The following PRKAR1B variants were observed in gnomAD, a reference collection of about 807,000 sequenced individuals.
The protein encoded by PRKAR1B is protein kinase cAMP-dependent type I regulatory subunit beta.
A neutral mutation model predicts 46.5 loss-of-function variants in PRKAR1B; 22 were observed. The observed-to-expected ratio is 0.47, with a 90% confidence interval of 0.34 to 0.68. The LOEUF is 0.68. Among genes scored for constraint, PRKAR1B ranks in the 30% least tolerant of loss-of-function variants. The pLI, the probability that PRKAR1B is intolerant of heterozygous loss-of-function variation, is 0.01. For synonymous variants in PRKAR1B, 259 were observed against 217.7 expected, an observed-to-expected ratio of 1.19 and a Z score of -1.67; for missense variants, 445 against 535.6, an observed-to-expected ratio of 0.83 and a Z score of 1.67.
At chr7:698,936 C>T (rs929316006) in intron 2 of PRKAR1B, among the ~76,000 whole-genome samples, 3 of 152,246 alleles carry the variant, frequency 2.0e-5, no homozygotes, top group African/African-American at 7.2e-5. Context: ...GTGATTCAGC[C>T]TCTCCCTCCT....
At chr7:596,044 CT>C in intron 7 of PRKAR1B, 101 bp downstream of exon 7, 4 of 1,450,784 alleles carry the variant, frequency 2.8e-6, no homozygotes, top group Non-Finnish European at 3.7e-6. Context: ...TTGGAAGTGT[CT>C]TTTCTCCAGG....
At chr7:552,390 C>CG (rs1396429370) in intron 9 of PRKAR1B, among the ~76,000 whole-genome samples, 62 of 73,174 alleles carry the variant, frequency 8.5e-4, no homozygotes, top group Non-Finnish European at 1.0e-3. Context: ...GGGTCCTTCT[C>CG]CAGAGCCACT....
intron 10 of PRKAR1B, 129 bp downstream of exon 10, chr7:551,260 G>C: frequency 1.2e-6 from 1 of 850,504 alleles, no homozygotes; most frequent in Non-Finnish European, 1.9e-6. Flanking sequence ...AGCCACACTG[G>C]GGCTCAGCCA....
chr7:660,465 C>T (rs1310454184), intron 4 of PRKAR1B, among the ~76,000 whole-genome samples: 3 of 141,384 alleles, frequency 2.1e-5, no homozygotes, highest in African/African-American at 5.3e-5. Flanking sequence ...CAAATACCTA[C>T]TCTGCCCCCA....
intron 10 of PRKAR1B, 32 bp from the exon 11 acceptor site, chr7:550,634 C>T (rs766425051): frequency 6.7e-7 from 1 of 1,500,958 alleles, no homozygotes; most frequent in Non-Finnish European, 8.9e-7. Flanking sequence ...CAGGGCTGGG[C>T]CTGGGGGTCC....
At chr7:552,921 G>T (rs1391368052) in intron 9 of PRKAR1B, among the ~76,000 whole-genome samples, 2 of 152,270 alleles carry the variant, frequency 1.3e-5, no homozygotes, top group African/African-American at 2.4e-5. Flanking sequence ...AGTGGGGAGG[G>T]GTCTGCGGGT....
chr7:658,595 A>C (rs1472662870), intron 4 of PRKAR1B, among the ~76,000 whole-genome samples: 1 of 152,222 alleles, frequency 6.6e-6, no homozygotes, highest in Admixed American at 6.5e-5. Flanking sequence ...CCGGCGGCTC[A>C]CGAAAGCCAC....
At chr7:669,771 A>G (rs112052276) in intron 4 of PRKAR1B, among the ~76,000 whole-genome samples, 7,336 of 151,752 alleles carry the variant, frequency 0.048, 585 homozygotes, top group African/African-American at 0.17. Context: ...CTCAAAAAAA[A>G]AGAAAAGGTT....
chr7:664,884 A>T (rs1443385709), intron 4 of PRKAR1B, among the ~76,000 whole-genome samples: 3 of 152,192 alleles, frequency 2.0e-5, no homozygotes, highest in Non-Finnish European at 4.4e-5. Context: ...ACTACACTCC[A>T]GCCTGAGCAA....
Position 614,236 on chromosome 7 carries a change from C to A in PRKAR1B, c.441-6784G>T, listed in dbSNP as rs1429162890. On this transcript the variant is annotated intron_variant, in intron 4 of 10. Transcript: ENST00000537384. ...GCCACTCAGGACTGTCTACACAAAA[C>A]ACTCAGCAGCATATACGACAGGATG... Among the ~76,000 whole-genome samples the A allele has an allele frequency of 2.6e-5, 4 of 152,364 alleles. No homozygotes were observed. The East Asian group carries it at 7.7e-4, about 29-fold the overall frequency.
intron 9 of PRKAR1B, among the ~76,000 whole-genome samples, chr7:570,234 C>T (rs903185048): frequency 1.3e-5 from 2 of 152,198 alleles, no homozygotes; most frequent in Non-Finnish European, 2.9e-5. Flanking sequence ...GAAGGTTGAC[C>T]GCAGGCTCGT....
At position 711,534 on chromosome 7, in the gene PRKAR1B, A is replaced by G; in HGVS notation, c.-22-7T>C. On this transcript the variant is annotated splice_polypyrimidine_tract_variant and splice_region_variant and intron_variant, in intron 1 of 10. Transcript: ENST00000537384. The stretch of plus-strand genomic sequence containing the variant: ...GAGGGTGGCTGCTTCCTTCCTGTCC[A>G]GAAAACACACAGATCCCCAGGCCTG... 1.2e-6 allele frequency: 2 copies of G among 1,609,180 alleles called. No homozygotes were observed. Among genetic ancestry groups the G allele is most frequent in the Non-Finnish European group, 1.7e-6 (2 of 1,177,382 alleles).
chr7:701,300 A>G (rs1213718027), intron 2 of PRKAR1B, among the ~76,000 whole-genome samples: 4 of 139,746 alleles, frequency 2.9e-5, no homozygotes, highest in African/African-American at 1.3e-4. Flanking sequence ...GAAAGAAAGA[A>G]AAAGAAAGAA....
At chr7:594,647 C>T (rs1472310773) in intron 7 of PRKAR1B, among the ~76,000 whole-genome samples, 1 of 152,114 alleles carries the variant, frequency 6.6e-6, no homozygotes, top group African/African-American at 2.4e-5. Flanking sequence ...TATGAAGGAA[C>T]CCCAAGACCA....
Position 551,403 on chromosome 7 carries a change from G to A in PRKAR1B, c.959C>T (p.Pro320Leu), listed in dbSNP as rs757120955. 2 of 1,559,074 alleles carry A rather than the reference G, an allele frequency of 1.3e-6. No homozygotes were observed. Among genetic ancestry groups the A allele is most frequent in the Non-Finnish European group, 1.7e-6 (2 of 1,151,288 alleles). ...EEYVEVGRLG[P>L]SDYFGEIALL... The stretch of plus-strand genomic sequence containing the variant: ...ACTGGACTCACCGAAGTAGTCAGAG[G>A]GTCCCAGGCGCCCCACCTCCACGTA... The change falls in exon 10 of 11, where the codon CCC (proline) becomes CTC (leucine). Residue 320 changes from proline (P) to leucine (L), a missense_variant. Physicochemically the swap from Pro to Leu is moderately conservative, Grantham distance 98. This residue lies in a region of PRKAR1B where 127 missense variants were observed against 138.0 expected (regional missense o/e 0.92). Coordinates refer to ENST00000537384, the MANE Select transcript of PRKAR1B (RefSeq NM_001164760.2).
At chr7:583,092 G>C (rs1458551434) in intron 8 of PRKAR1B, among the ~76,000 whole-genome samples, 1 of 152,010 alleles carries the variant, frequency 6.6e-6, no homozygotes, top group African/African-American at 2.4e-5. Context: ...TCACAGGGAC[G>C]GGGCTCTGTC....
intron 2 of PRKAR1B, among the ~76,000 whole-genome samples, chr7:702,281 AGAAG>A (rs1250405524): frequency 6.6e-6 from 1 of 152,176 alleles, no homozygotes; most frequent in African/African-American, 2.4e-5. Context: ...ATAATCTAAA[AGAAG>A]GAAGGAAAAA....
chr7:606,919 TAC>T (rs1419974167), intron 5 of PRKAR1B, among the ~76,000 whole-genome samples: 4 of 152,270 alleles, frequency 2.6e-5, no homozygotes, highest in South Asian at 4.1e-4. Context: ...TGTATACATG[TAC>T]ACACATATGT....
At chr7:647,677 GCGC>G (rs1007731658) in intron 4 of PRKAR1B, among the ~76,000 whole-genome samples, 4 of 151,638 alleles carry the variant, frequency 2.6e-5, no homozygotes, top group Non-Finnish European at 5.9e-5. Context: ...GAGGTGGCAG[GCGC>G]CTGTAGTCCC....
Sources: allele counts gnomAD v4.1 joint callset (sites outside exome capture counted in the v4.1 genomes callset), GRCh38; gene constraint gnomAD v4.1.1; regional missense constraint gnomAD v4.1.1; transcripts MANE v1.5; gene names NCBI Gene and HGNC (gene_info 2026-07-23, HGNC 2026-07-21).